The following ENDOD1 variants were observed in gnomAD, a reference collection of about 807,000 sequenced individuals.
ENDOD1 encodes endonuclease domain-containing 1 protein.
A neutral mutation model predicts 6.5 loss-of-function variants in ENDOD1; 9 were observed. That is an observed-to-expected ratio of 1.39 (90% confidence interval 0.84 to 2.43). The LOEUF (loss-of-function observed/expected upper bound fraction) is 2.43, where lower values mean the gene tolerates loss of function less well. Among genes scored for constraint, ENDOD1 ranks in the 30% most tolerant of loss-of-function variants. The pLI, the probability that ENDOD1 is intolerant of heterozygous loss-of-function variation, is 0.00. For synonymous variants in ENDOD1, 255 were observed against 255.2 expected (o/e 1.00, Z 0.01); for missense variants, 648 against 635.5 (o/e 1.02, Z -0.21).
At chr11:95,090,607 C>T (rs1379583198) in intron 1 of ENDOD1, among the ~76,000 whole-genome samples, 1 of 152,188 alleles carries the variant, frequency 6.6e-6, no homozygotes, top group East Asian at 1.9e-4. Flanking sequence ...CTAGGCTGGG[C>T]GCTCACAGGC....
chr11:95,123,045 C>T, intron 1 of ENDOD1, among the ~76,000 whole-genome samples: 1 of 151,896 alleles, frequency 6.6e-6, no homozygotes, highest in Admixed American at 6.6e-5. Context: ...AAAAATTAGC[C>T]AGGTGTGGTG....
chr11:95,093,500 G>A (rs1858951208), intron 1 of ENDOD1, among the ~76,000 whole-genome samples: 1 of 152,134 alleles, frequency 6.6e-6, no homozygotes, highest in Non-Finnish European at 1.5e-5. Flanking sequence ...CCCCTTCAGT[G>A]CTCTTATAGT....
intron 1 of ENDOD1, among the ~76,000 whole-genome samples, chr11:95,109,964 T>C (rs1287766304): frequency 6.6e-6 from 1 of 152,262 alleles, no homozygotes; most frequent in African/African-American, 2.4e-5. Context: ...TTTCTGTTCT[T>C]GTCTCTGGAC....
Position 95,128,736 on chromosome 11 carries a change from G to T in ENDOD1, c.660G>T (p.Trp220Cys). The part of the protein sequence containing the change: ...KDKVAVPEFV[W>C]LAACCAVPGG... ...AAGTGGCAGTCCCTGAGTTTGTTTGGCTGGCAGCCTGTTGTGCTGTCCCTG... is the reference window on the plus strand; with the variant it reads ...AAGTGGCAGTCCCTGAGTTTGTTTGTCTGGCAGCCTGTTGTGCTGTCCCTG... Residue 220 changes from tryptophan (W) to cysteine (C), a missense_variant, in exon 2 of 2, where the codon TGG (tryptophan) becomes TGT (cysteine). Transcript: ENST00000278505. 4.3e-6 allele frequency: 7 copies of T among 1,614,184 alleles called. No homozygotes were observed. The highest frequency in any genetic ancestry group is 2.2e-5 in the South Asian group (2 of 91,076).
intron 1 of ENDOD1, among the ~76,000 whole-genome samples, chr11:95,104,460 A>G (rs1385253994): frequency 6.6e-6 from 1 of 151,888 alleles, no homozygotes; most frequent in East Asian, 1.9e-4. Context: ...AAAAAAAAAA[A>G]AAAAAAGAAA....
chr11:95,107,549 C>A (rs1859101518), intron 1 of ENDOD1, among the ~76,000 whole-genome samples: 1 of 152,100 alleles, frequency 6.6e-6, no homozygotes, highest in Non-Finnish European at 1.5e-5. Flanking sequence ...GAAAGGATAG[C>A]AGAGTGGAAA....
chr11:95,095,298 A>G (rs1386591552), intron 1 of ENDOD1, among the ~76,000 whole-genome samples: 1 of 76,526 alleles, frequency 1.3e-5, no homozygotes, highest in Non-Finnish European at 3.9e-5. Context: ...CAGGTACCAA[A>G]GACATCTCCA....
chr11:95,090,044 C>T lies in ENDOD1; in HGVS notation c.117C>T (p.Tyr39=). The T allele has an allele frequency of 6.2e-7, 1 of 1,600,852 alleles. No individual in the cohort carries two copies. The highest frequency in any genetic ancestry group is 8.5e-7 in the Non-Finnish European group (1 of 1,175,056). The change falls in exon 1 of 2, where the codon TAC becomes TAT. Residue 39 remains tyrosine (Y), a synonymous_variant. Transcript: ENST00000278505. ...TTGGCGAATGTGACAAGTTCTTCTACGCCGGGACCCCGCCTGCGGGGCTGG... is the reference window on the plus strand; with the variant it reads ...TTGGCGAATGTGACAAGTTCTTCTATGCCGGGACCCCGCCTGCGGGGCTGG... ...AGFGECDKFF[Y]AGTPPAGLAA...
intron 1 of ENDOD1, among the ~76,000 whole-genome samples, chr11:95,090,992 ACTC>A (rs1162780958): frequency 1.3e-5 from 2 of 151,870 alleles, no homozygotes; most frequent in African/African-American, 4.8e-5. Context: ...GTTTTTCCTG[ACTC>A]CTCATATCTA....
intron 1 of ENDOD1, among the ~76,000 whole-genome samples, chr11:95,097,422 G>GA (rs1355387158): frequency 1.3e-5 from 2 of 152,330 alleles, no homozygotes; most frequent in East Asian, 3.9e-4. Flanking sequence ...GAAGAACTAA[G>GA]AGGCTGGTTT....
chr11:95,121,614 C>T (rs1396805353), intron 1 of ENDOD1, among the ~76,000 whole-genome samples: 1 of 152,074 alleles, frequency 6.6e-6, no homozygotes, highest in Non-Finnish European at 1.5e-5. Flanking sequence ...AATTTAGTTT[C>T]CCCTCATTTA....
At chr11:95,097,154 C>CAAAAAAAAAAA (rs34990638) in intron 1 of ENDOD1, among the ~76,000 whole-genome samples, 1 of 140,168 alleles carries the variant, frequency 7.1e-6, no homozygotes, top group Non-Finnish European at 1.5e-5. Flanking sequence ...GACCCTGTTT[C>CAAAAAAAAAAA]AAAAAAAAAA....
chr11:95,106,312 C>A (rs371967441), intron 1 of ENDOD1, among the ~76,000 whole-genome samples: 1 of 152,270 alleles, frequency 6.6e-6, no homozygotes, highest in East Asian at 1.9e-4. Flanking sequence ...GTGAAAGCAT[C>A]CCCAGCTGGT....
At chr11:95,117,609 T>C (rs1859223833) in intron 1 of ENDOD1, among the ~76,000 whole-genome samples, 1 of 152,254 alleles carries the variant, frequency 6.6e-6, no homozygotes, top group Non-Finnish European at 1.5e-5. Context: ...TCCATTTACA[T>C]AGAATATCTT....
intron 1 of ENDOD1, among the ~76,000 whole-genome samples, chr11:95,106,159 C>G (rs1229441659): frequency 2.6e-5 from 4 of 152,198 alleles, no homozygotes; most frequent in African/African-American, 9.7e-5. Flanking sequence ...CCATCTAAAT[C>G]AATCAGCCTC....
chr11:95,122,073 TC>T (rs1483258500), intron 1 of ENDOD1, among the ~76,000 whole-genome samples: 1 of 152,224 alleles, frequency 6.6e-6, no homozygotes, highest in Admixed American at 6.5e-5. Flanking sequence ...AGCAATGTTG[TC>T]AGTAATTTAC....
chr11:95,124,731 C>A (rs1859295000), intron 1 of ENDOD1, among the ~76,000 whole-genome samples: 1 of 152,174 alleles, frequency 6.6e-6, no homozygotes, highest in African/African-American at 2.4e-5. Flanking sequence ...GCAGAAAAGG[C>A]CTTACCTGGT....
chr11:95,100,307 G>A (rs1164669916), intron 1 of ENDOD1, among the ~76,000 whole-genome samples: 1 of 152,028 alleles, frequency 6.6e-6, no homozygotes, highest in Non-Finnish European at 1.5e-5. Flanking sequence ...TCTCTACTCT[G>A]AAGGCCTCTT....
intron 1 of ENDOD1, among the ~76,000 whole-genome samples, chr11:95,102,051 T>C (rs1006083828): frequency 6.6e-6 from 1 of 152,174 alleles, no homozygotes; most frequent in Non-Finnish European, 1.5e-5. Context: ...TCCCTGTTCC[T>C]GCACAGAAGG....
Sources: allele counts gnomAD v4.1 joint callset (sites outside exome capture counted in the v4.1 genomes callset), GRCh38; gene constraint gnomAD v4.1.1; transcripts MANE v1.5; gene names NCBI Gene and HGNC (gene_info 2026-07-23, HGNC 2026-07-21).